The following LYPLAL1 variants were observed in gnomAD, a reference collection of about 807,000 sequenced individuals.
LYPLAL1 encodes the protein lysophospholipase like 1, also known as lysophospholipase-like protein 1.
LYPLAL1 carries 23 observed loss-of-function variants against 19.7 expected under a neutral mutation model. The ratio of observed to expected loss-of-function variants is 1.17; its 90% CI spans 0.84 to 1.65. The LOEUF is 1.65. Among genes scored for constraint, LYPLAL1 ranks in the 40% most tolerant of loss-of-function variants. LYPLAL1 has a pLI of 0.00. For synonymous variants in LYPLAL1, 119 were observed against 96.3 expected, an observed-to-expected ratio of 1.24 and a Z score of -1.38; for missense variants, 355 against 279.4, an observed-to-expected ratio of 1.27 and a Z score of -1.93.
chr1:219,187,101 A>G (rs922932357), intron 2 of LYPLAL1, among the ~76,000 whole-genome samples: 1 of 150,708 alleles, frequency 6.6e-6, no homozygotes, highest in Non-Finnish European at 1.5e-5. Flanking sequence ...TAGTTTTCAT[A>G]TGTATTTTGT....
At chr1:219,207,349 G>T (rs548887985) in intron 3 of LYPLAL1, among the ~76,000 whole-genome samples, 6 of 152,186 alleles carry the variant, frequency 3.9e-5, no homozygotes, top group African/African-American at 1.4e-4. Flanking sequence ...TATGCAGTGA[G>T]ATTTTGTTAG....
downstream of LYPLAL1, among the ~76,000 whole-genome samples, chr1:219,214,178 T>C (rs948319243): frequency 1.3e-5 from 2 of 152,166 alleles, no homozygotes; most frequent in African/African-American, 4.8e-5. Flanking sequence ...GTTACTGTGG[T>C]GCTCAATTTT....
the LYPLAL1 span, among the ~76,000 whole-genome samples, chr1:219,258,676 T>G: frequency 6.6e-6 from 1 of 152,066 alleles, no homozygotes; most frequent in Non-Finnish European, 1.5e-5. Context: ...CTATTTGTTT[T>G]CTGTTTGTGC....
At chr1:219,410,289 C>G in the LYPLAL1 span, 1 of 152,148 alleles carries the variant, frequency 6.6e-6, no homozygotes, top group Non-Finnish European at 1.5e-5. Flanking sequence ...AAAACAAATT[C>G]GATAAGAAAT....
At chr1:219,320,103 T>A in the LYPLAL1 span, among the ~76,000 whole-genome samples, 1 of 152,200 alleles carries the variant, frequency 6.6e-6, no homozygotes, top group African/African-American at 2.4e-5. Context: ...CAGTCCTTGT[T>A]TCTGTAAGTG....
In LYPLAL1 at chr1:219,212,708, TC is replaced by T. The variant is rs1659135257; in HGVS notation, c.*982del. ...TTCAACAAAATTATCATGAGATTTT[TC>T]CATGTTGTGTACATCAATAGTTCAT... is the stretch of plus-strand genomic sequence containing the variant. On this transcript the variant is annotated 3_prime_UTR_variant, in exon 5 of 5. Transcript: ENST00000366928. The T allele has an allele frequency of 6.6e-6, 1 of 152,066 alleles. No individual in the cohort carries two copies. The highest frequency in any genetic ancestry group is 2.4e-5 in the African/African-American group (1 of 41,438). The allele number at this position is 152,066 out of a possible 1,614,324, so 9.4% of individuals were successfully genotyped here.
the LYPLAL1 span, among the ~76,000 whole-genome samples, chr1:219,421,288 C>T: frequency 6.6e-6 from 1 of 152,116 alleles, no homozygotes; most frequent in Non-Finnish European, 1.5e-5. Context: ...TTTAGCTATC[C>T]AATCCAGTGG....
the LYPLAL1 span, chr1:219,411,823 G>A: frequency 7.2e-5 from 12 of 165,892 alleles, no homozygotes; most frequent in African/African-American, 2.6e-4. Flanking sequence ...CTCCAGAAAC[G>A]CCACCTTAAG....
At chr1:219,260,167 T>G in the LYPLAL1 span, among the ~76,000 whole-genome samples, 3 of 151,958 alleles carry the variant, frequency 2.0e-5, no homozygotes, top group Non-Finnish European at 4.4e-5. Flanking sequence ...GTAATAAACC[T>G]CATTTATATC....
At chr1:219,280,756 A>T in the LYPLAL1 span, among the ~76,000 whole-genome samples, 1 of 152,172 alleles carries the variant, frequency 6.6e-6, no homozygotes, top group African/African-American at 2.4e-5. Context: ...CATTTTAAAA[A>T]GGCATAGTAG....
the LYPLAL1 span, among the ~76,000 whole-genome samples, chr1:219,370,525 A>AG: frequency 6.6e-6 from 1 of 152,202 alleles, no homozygotes; most frequent in African/African-American, 2.4e-5. Context: ...CTGTGGGCTC[A>AG]CAGATTAAGC....
the LYPLAL1 span, among the ~76,000 whole-genome samples, chr1:219,229,724 G>T: frequency 6.6e-6 from 1 of 152,162 alleles, no homozygotes; most frequent in South Asian, 2.1e-4. Flanking sequence ...TAGCCTGCCC[G>T]TCTGAATGCT....
the LYPLAL1 span, among the ~76,000 whole-genome samples, chr1:219,243,609 T>C: frequency 9.3e-4 from 142 of 152,034 alleles, 1 homozygote; most frequent in Non-Finnish European, 1.5e-3. Flanking sequence ...CAGCTACACA[T>C]AGCTGTTTTA....
the LYPLAL1 span, among the ~76,000 whole-genome samples, chr1:219,323,845 A>G: frequency 6.6e-6 from 1 of 152,182 alleles, no homozygotes; most frequent in African/African-American, 2.4e-5. Flanking sequence ...TGAGAAAGAA[A>G]TATACACACA....
the LYPLAL1 span, among the ~76,000 whole-genome samples, chr1:219,282,742 A>C: frequency 6.6e-6 from 1 of 152,314 alleles, no homozygotes; most frequent in Non-Finnish European, 1.5e-5. Context: ...AAAAAATCAA[A>C]TATAAGGGTA....
chr1:219,434,357 C>T, the LYPLAL1 span, among the ~76,000 whole-genome samples: 4 of 152,270 alleles, frequency 2.6e-5, no homozygotes, highest in South Asian at 2.1e-4. Context: ...TAGTTAAATG[C>T]TGTTTATTCT....
chr1:219,334,526 G>GTGT, the LYPLAL1 span, among the ~76,000 whole-genome samples: 8 of 147,150 alleles, frequency 5.4e-5, no homozygotes, highest in African/African-American at 1.5e-4. Context: ...AATGAAGAGG[G>GTGT]GTGTGTGTGT....
At chr1:219,351,800 C>T in the LYPLAL1 span, among the ~76,000 whole-genome samples, 3 of 152,106 alleles carry the variant, frequency 2.0e-5, no homozygotes, top group Admixed American at 2.0e-4. Flanking sequence ...ATGAATAAAC[C>T]ATAGACACTT....
rs115608225 is a variant in LYPLAL1 at position 219,182,200 on chromosome 1, G to A, written c.191+2954G>A. Among the ~76,000 whole-genome samples, 35 of 151,878 alleles carry A rather than the reference G, an allele frequency of 2.3e-4. 1 individual carries two copies. The highest frequency in any genetic ancestry group is 7.7e-4 in the African/African-American group (32 of 41,322). On this transcript the variant is annotated intron_variant, in intron 2 of 4. Coordinates refer to ENST00000366928, the MANE Select transcript of LYPLAL1 (RefSeq NM_138794.5). Reference sequence around the variant, plus strand: ...TGAGTCTCAAATTGAGGAGCACTGCGGTATCATTAAGCCTGTAGCTTTTAA... The same window carrying A: ...TGAGTCTCAAATTGAGGAGCACTGCAGTATCATTAAGCCTGTAGCTTTTAA...
Sources: gnomAD v4.1 joint callset for allele counts (sites outside exome capture counted in the v4.1 genomes callset) on GRCh38, gnomAD v4.1.1 for gene constraint, MANE v1.5 for transcripts, NCBI Gene and HGNC (gene_info 2026-07-23, HGNC 2026-07-21) for gene names.